Variants in LUZP2 observed in about 807,000 individuals in gnomAD.
The protein encoded by LUZP2 is leucine zipper protein 2.
LUZP2 carries 52 observed loss-of-function variants against 51.6 expected under a neutral mutation model. That is an observed-to-expected ratio of 1.01 (90% CI 0.81 to 1.27). The LOEUF (loss-of-function observed/expected upper bound fraction) is 1.27, where lower values mean the gene tolerates loss of function less well. Ranked by LOEUF, LUZP2 falls within the 50% of genes most tolerant of loss-of-function variation. LUZP2 has a pLI of 0.00. For missense variants in LUZP2, 436 were observed against 395.4 expected, an observed-to-expected ratio of 1.10 and a Z score of -0.87; for synonymous variants, 154 against 137.3, an observed-to-expected ratio of 1.12 and a Z score of -0.85.
chr11:24,849,745 G>T (rs1851327598), intron 5 of LUZP2, among the ~76,000 whole-genome samples: 1 of 152,130 alleles, frequency 6.6e-6, no homozygotes, highest in Non-Finnish European at 1.5e-5. Context: ...CCCACCAACA[G>T]TATAAAAGCG....
chr11:24,819,094 G>C (rs1000159226), intron 5 of LUZP2, among the ~76,000 whole-genome samples: 4 of 152,040 alleles, frequency 2.6e-5, no homozygotes, highest in Non-Finnish European at 5.9e-5. Flanking sequence ...GGGAATATCA[G>C]GAGTTGGCGA....
chr11:24,918,772 C>G (rs924211697), intron 7 of LUZP2, among the ~76,000 whole-genome samples: 1 of 149,144 alleles, frequency 6.7e-6, no homozygotes, highest in East Asian at 2.0e-4. Context: ...ATATTTCTGT[C>G]TATTTCCCTT....
chr11:24,596,393 C>T (rs2133852650), intron 1 of LUZP2, among the ~76,000 whole-genome samples: 1 of 152,258 alleles, frequency 6.6e-6, no homozygotes, highest in South Asian at 2.1e-4. Context: ...AGAGGGTTTT[C>T]ATTTGAACTA....
chr11:24,942,831 T>G (rs1854791995), intron 7 of LUZP2, among the ~76,000 whole-genome samples: 1 of 152,192 alleles, frequency 6.6e-6, no homozygotes, highest in Non-Finnish European at 1.5e-5. Context: ...TTGTGTTTTC[T>G]TTTGGATGTT....
At chr11:24,844,694 T>G (rs999786328) in intron 5 of LUZP2, among the ~76,000 whole-genome samples, 6 of 152,090 alleles carry the variant, frequency 3.9e-5, no homozygotes, top group African/African-American at 1.4e-4. Context: ...CCAGGGTCCC[T>G]GTGCTGTGTG....
At chr11:24,597,968 G>A (rs1169555567) in intron 1 of LUZP2, among the ~76,000 whole-genome samples, 1 of 152,064 alleles carries the variant, frequency 6.6e-6, no homozygotes, top group Non-Finnish European at 1.5e-5. Context: ...GGGTGTGATG[G>A]CAGGCATCTG....
intron 1 of LUZP2, among the ~76,000 whole-genome samples, chr11:24,546,963 TTGG>T (rs79607613): frequency 9.5e-6 from 1 of 105,518 alleles, no homozygotes; most frequent in African/African-American, 3.8e-5. Flanking sequence ...GTTGTTGTTG[TTGG>T]TGGTGGTGGT....
intron 7 of LUZP2, among the ~76,000 whole-genome samples, chr11:24,953,649 G>T (rs1855137273): frequency 2.0e-5 from 3 of 151,940 alleles, no homozygotes; most frequent in Non-Finnish European, 2.9e-5. Flanking sequence ...TAAATACAGA[G>T]ACTTTTCAGT....
intron 5 of LUZP2, among the ~76,000 whole-genome samples, chr11:24,857,291 A>AT (rs1851598474): frequency 2.4e-5 from 1 of 41,202 alleles, no homozygotes; most frequent in Non-Finnish European, 4.4e-5. Flanking sequence ...ATATATATAC[A>AT]TATATATATA....
intron 1 of LUZP2, among the ~76,000 whole-genome samples, chr11:24,573,994 G>A (rs148736627): frequency 0.014 from 2,118 of 151,648 alleles, 38 homozygotes; most frequent in South Asian, 0.058. Flanking sequence ...TCATCATTTA[G>A]CATTAGGTAT....
At chr11:24,642,865 G>A (rs1855339331) in intron 1 of LUZP2, among the ~76,000 whole-genome samples, 1 of 152,098 alleles carries the variant, frequency 6.6e-6, no homozygotes, top group Admixed American at 6.6e-5. Context: ...AAATCAACTT[G>A]ACAAGATTCT....
chr11:24,578,304 TTC>T (rs1195847615), intron 1 of LUZP2, among the ~76,000 whole-genome samples: 1 of 152,100 alleles, frequency 6.6e-6, no homozygotes, highest in Admixed American at 6.6e-5. Context: ...CCAGAAATAT[TTC>T]ATGTGGTTCA....
At chr11:24,737,703 G>T (rs969269865) in intron 3 of LUZP2, among the ~76,000 whole-genome samples, 3 of 151,992 alleles carry the variant, frequency 2.0e-5, no homozygotes, top group African/African-American at 7.2e-5. Flanking sequence ...AATGAGACAG[G>T]CCTTAAGTTA....
chr11:24,587,732 C>G (rs1007921681), intron 1 of LUZP2, among the ~76,000 whole-genome samples: 1 of 151,998 alleles, frequency 6.6e-6, no homozygotes, highest in Non-Finnish European at 1.5e-5. Flanking sequence ...GACATAGAAA[C>G]AACTATGACA....
intron 3 of LUZP2, among the ~76,000 whole-genome samples, chr11:24,733,555 C>G (rs1018509125): frequency 6.6e-6 from 1 of 151,464 alleles, no homozygotes; most frequent in Non-Finnish European, 1.5e-5. Flanking sequence ...CACTCTTATT[C>G]GGAATCTAAA....
At chr11:24,683,782 G>A (rs956113318) in intron 1 of LUZP2, among the ~76,000 whole-genome samples, 4 of 152,120 alleles carry the variant, frequency 2.6e-5, no homozygotes, top group Non-Finnish European at 4.4e-5. Flanking sequence ...CTGCCCCTAA[G>A]CTGACTCATC....
intron 10 of LUZP2, among the ~76,000 whole-genome samples, chr11:25,066,649 T>C (rs1859004171): frequency 6.6e-6 from 1 of 151,966 alleles, no homozygotes; most frequent in Non-Finnish European, 1.5e-5. Flanking sequence ...TTTGTTTAGA[T>C]TGATTTTTAT....
intron 1 of LUZP2, among the ~76,000 whole-genome samples, chr11:24,556,749 C>A (rs1029594988): frequency 1.3e-5 from 2 of 152,104 alleles, no homozygotes; most frequent in African/African-American, 4.8e-5. Context: ...CTGTCCTATA[C>A]ATATTTTCCA....
intron 1 of LUZP2, among the ~76,000 whole-genome samples, chr11:24,653,959 G>A (rs368484710): frequency 4.6e-5 from 7 of 152,300 alleles, no homozygotes; most frequent in African/African-American, 1.7e-4. Context: ...GTCTAAAAGA[G>A]TAGGAAAAAT....
Sources: gnomAD v4.1 joint callset for allele counts (sites outside exome capture counted in the v4.1 genomes callset) on GRCh38, gnomAD v4.1.1 for gene constraint, MANE v1.5 for transcripts, NCBI Gene and HGNC (gene_info 2026-07-23, HGNC 2026-07-21) for gene names.